Variants in MDFIC2 observed in about 807,000 individuals in gnomAD.
The protein encoded by MDFIC2 is myoD family inhibitor domain-containing protein 2.
intron 2 of MDFIC2, among the ~76,000 whole-genome samples, chr3:70,267,572 T>TTG: frequency 9.7e-6 from 1 of 103,018 alleles, no homozygotes; most frequent in Middle Eastern, 4.6e-3. Flanking sequence ...CCGGCTAATT[T>TTG]TTTGTATTTT....
intron 2 of MDFIC2, among the ~76,000 whole-genome samples, chr3:70,257,651 G>T (rs970461836): frequency 6.6e-6 from 1 of 152,188 alleles, no homozygotes; most frequent in Admixed American, 6.5e-5. Flanking sequence ...ATTGCTTAGA[G>T]AAGTTAAAGA....
intron 2 of MDFIC2, among the ~76,000 whole-genome samples, chr3:70,311,230 A>T (rs1702450950): frequency 6.6e-6 from 1 of 152,220 alleles, no homozygotes; most frequent in Non-Finnish European, 1.5e-5. Context: ...TTTAGATAAA[A>T]TATCAAATGT....
intron 2 of MDFIC2, among the ~76,000 whole-genome samples, chr3:70,275,765 A>AAGTTTATAG (rs1702019050): frequency 6.6e-6 from 1 of 152,208 alleles, no homozygotes; most frequent in Non-Finnish European, 1.5e-5. Flanking sequence ...GTACTTTCAG[A>AAGTTTATAG]AGTTTATAGC....
At chr3:70,203,760 C>G (rs1338393412) in intron 3 of MDFIC2, among the ~76,000 whole-genome samples, 1 of 152,074 alleles carries the variant, frequency 6.6e-6, no homozygotes, top group African/African-American at 2.4e-5. Flanking sequence ...TGAGATGTCT[C>G]AAATTCAAAA....
chr3:70,237,812 C>A (rs1348028629), intron 2 of MDFIC2, among the ~76,000 whole-genome samples: 2 of 152,056 alleles, frequency 1.3e-5, no homozygotes, highest in Non-Finnish European at 2.9e-5. Flanking sequence ...TGGGCATGGA[C>A]AAAGGCAGAG....
At chr3:70,239,213 T>C (rs1436577893) in intron 2 of MDFIC2, among the ~76,000 whole-genome samples, 3 of 152,238 alleles carry the variant, frequency 2.0e-5, no homozygotes, top group Non-Finnish European at 4.4e-5. Flanking sequence ...AGTTCAACTA[T>C]GTCATGAAAT....
chr3:70,207,715 A>G lies in MDFIC2; in HGVS notation c.89-925T>C, dbSNP rs190962106. On this transcript the variant is annotated intron_variant, in intron 2 of 3. Transcript: ENST00000567252. ...ACAACCACTTACATAGCATTTACAT[A>G]GTATTAGGTATGATAAATAATCTAA... Among the ~76,000 whole-genome samples the G allele has an allele frequency of 3.9e-4, 60 of 152,258 alleles. 1 individual carries two copies. The highest frequency in any genetic ancestry group is 1.4e-3 in the African/African-American group (58 of 41,576).
chr3:70,273,801 C>A (rs1701996803), intron 2 of MDFIC2, among the ~76,000 whole-genome samples: 1 of 152,030 alleles, frequency 6.6e-6, no homozygotes, highest in African/African-American at 2.4e-5. Flanking sequence ...CTTTATTTTT[C>A]TCTTTTGTTT....
chr3:70,264,319 T>C (rs893421443), intron 2 of MDFIC2, among the ~76,000 whole-genome samples: 24 of 152,314 alleles, frequency 1.6e-4, no homozygotes, highest in African/African-American at 5.1e-4. Context: ...ATGCAGGCCT[T>C]TATCACGTTT....
chr3:70,222,235 TA>T (rs1159827648), intron 2 of MDFIC2, among the ~76,000 whole-genome samples: 1 of 152,118 alleles, frequency 6.6e-6, no homozygotes, highest in Non-Finnish European at 1.5e-5. Context: ...TGGGTTTGGG[TA>T]AAATTCATAC....
rs1374121265 is a variant in MDFIC2, at chr3:70,280,861, G to A, written c.88+31025C>T. On this transcript the variant is annotated intron_variant, in intron 2 of 3. Coordinates refer to ENST00000567252, the MANE Select transcript of MDFIC2 (RefSeq NM_001364677.1). ...TGCCCCACACCCAGAAGGAAGGGACGCTGCACAGAAAGTCCAAGAAGAATC... is the reference window on the plus strand; with the variant it reads ...TGCCCCACACCCAGAAGGAAGGGACACTGCACAGAAAGTCCAAGAAGAATC... Among the ~76,000 whole-genome samples, 34 of 152,128 alleles carry A rather than the reference G, an allele frequency of 2.2e-4. 1 individual carries two copies. Among genetic ancestry groups the A allele is most frequent in the Admixed American group, 2.2e-3 (34 of 15,262 alleles).
chr3:70,213,930 G>A (rs1357725036), intron 2 of MDFIC2, among the ~76,000 whole-genome samples: 1 of 152,046 alleles, frequency 6.6e-6, no homozygotes, highest in Non-Finnish European at 1.5e-5. Flanking sequence ...AAGATTTCTT[G>A]ACATTGAGAA....
intron 2 of MDFIC2, among the ~76,000 whole-genome samples, chr3:70,293,744 G>C (rs566156437): frequency 2.0e-5 from 3 of 151,814 alleles, no homozygotes; most frequent in Admixed American, 2.0e-4. Context: ...ATATTCCTCT[G>C]GATAGTCTTA....
At chr3:70,223,251 A>T (rs1249058535) in intron 2 of MDFIC2, among the ~76,000 whole-genome samples, 1 of 152,102 alleles carries the variant, frequency 6.6e-6, no homozygotes, top group Non-Finnish European at 1.5e-5. Flanking sequence ...AGCAATCGAA[A>T]CTCAGAGAGA....
intron 2 of MDFIC2, among the ~76,000 whole-genome samples, chr3:70,309,546 A>G (rs914872294): frequency 6.6e-6 from 1 of 152,214 alleles, no homozygotes; most frequent in African/African-American, 2.4e-5. Context: ...GTAACATGGC[A>G]CAATCACCCA....
In MDFIC2 at chr3:70,195,529, A is replaced by T. The variant is rs1190240112; in HGVS notation, c.*1397T>A. On this transcript the variant is annotated 3_prime_UTR_variant, in exon 4 of 4. Coordinates refer to ENST00000567252, the MANE Select transcript of MDFIC2 (RefSeq NM_001364677.1). ...AAAAATGTGCTAGTTTGCTACAGAA[A>T]TAAAGCAAATGGTGATTTTGCCTGA... Among the ~76,000 whole-genome samples, 1 of 152,236 alleles carries T rather than the reference A, an allele frequency of 6.6e-6. No homozygotes were observed. The highest frequency in any genetic ancestry group is 1.5e-5 in the Non-Finnish European group (1 of 68,038).
intron 2 of MDFIC2, among the ~76,000 whole-genome samples, chr3:70,215,983 T>A (rs775097040): frequency 6.6e-6 from 1 of 152,066 alleles, no homozygotes; most frequent in Non-Finnish European, 1.5e-5. Flanking sequence ...TATTTTGATT[T>A]GAATGCAACA....
intron 2 of MDFIC2, among the ~76,000 whole-genome samples, chr3:70,275,928 G>A (rs895761739): frequency 1.3e-5 from 2 of 151,942 alleles, no homozygotes; most frequent in African/African-American, 4.8e-5. Context: ...GCAAATCATG[G>A]TAACTAATCA....
At chr3:70,204,688 G>A (rs1701273974) in intron 3 of MDFIC2, 1 of 150,274 alleles carries the variant, frequency 6.7e-6, no homozygotes, top group South Asian at 2.1e-4. Context: ...GCTCTTGAGT[G>A]TCAGTTGCCA....
Sources: allele counts gnomAD v4.1 joint callset (sites outside exome capture counted in the v4.1 genomes callset), GRCh38; gene constraint gnomAD v4.1.1; transcripts MANE v1.5; gene names NCBI Gene and HGNC (gene_info 2026-07-23, HGNC 2026-07-21).